The following TRAK1 variants were observed in gnomAD, a reference collection of about 807,000 sequenced individuals.
TRAK1 encodes trafficking kinesin protein 1.
Under a neutral mutation model 92.1 loss-of-function variants are expected in TRAK1, and 33 were observed. The observed-to-expected ratio is 0.36, with a 90% CI of 0.27 to 0.48. The LOEUF is 0.48. Among genes scored for constraint, TRAK1 ranks in the 20% least tolerant of loss-of-function variants. The pLI, the probability that TRAK1 is intolerant of heterozygous loss-of-function variation, is 0.99. For missense variants in TRAK1, 1,123 were observed against 1,257.9 expected, an observed-to-expected ratio of 0.89 and a Z score of 1.62; for synonymous variants, 521 against 517.3, an observed-to-expected ratio of 1.01 and a Z score of -0.10.
At chr3:42,128,134 G>A (rs772279985) in intron 2 of TRAK1, among the ~76,000 whole-genome samples, 7 of 152,198 alleles carry the variant, frequency 4.6e-5, no homozygotes, top group African/African-American at 1.2e-4. Flanking sequence ...AGCTGAGATC[G>A]TGCCATTGTA....
chr3:42,029,181 C>T (rs914409412), intron 1 of TRAK1, among the ~76,000 whole-genome samples: 1 of 152,200 alleles, frequency 6.6e-6, no homozygotes, highest in Non-Finnish European at 1.5e-5. Context: ...CCAATCACCT[C>T]CCACCAGGCC....
chr3:42,061,080 G>A (rs942162448), intron 1 of TRAK1, among the ~76,000 whole-genome samples: 1 of 152,118 alleles, frequency 6.6e-6, no homozygotes, highest in East Asian at 1.9e-4. Flanking sequence ...AGGCCTGGAA[G>A]CTGACTTAAA....
intron 2 of TRAK1, among the ~76,000 whole-genome samples, chr3:42,162,659 A>G (rs923259893): frequency 2.6e-5 from 4 of 152,184 alleles, no homozygotes; most frequent in Admixed American, 6.5e-5. Context: ...AAGTTTAGGT[A>G]TCTTAGGGGT....
chr3:42,128,983 T>A (rs1352809052), intron 2 of TRAK1, among the ~76,000 whole-genome samples: 1 of 152,106 alleles, frequency 6.6e-6, no homozygotes, highest in African/African-American at 2.4e-5. Flanking sequence ...ATCACAGCCT[T>A]TTTTTGTCGT....
At chr3:42,054,996 T>C (rs1244554405) in intron 1 of TRAK1, among the ~76,000 whole-genome samples, 1 of 143,724 alleles carries the variant, frequency 7.0e-6, no homozygotes, top group Non-Finnish European at 1.5e-5. Context: ...TCTGGCTTAC[T>C]GCAATCTCTG....
chr3:42,015,834 C>T (rs920304480), intron 1 of TRAK1, among the ~76,000 whole-genome samples: 3 of 151,930 alleles, frequency 2.0e-5, no homozygotes, highest in East Asian at 1.9e-4. Context: ...GTCAGGAGTT[C>T]GAGACCAGCC....
rs538531823 is a variant in TRAK1 at position 42,059,042 on chromosome 3, A to G, written c.-518-28062A>G. ...CGTGTATATATTTGTATGTATATGT[A>G]TACACACAAATATACATACGTATGA... On this transcript the variant is annotated intron_variant, in intron 1 of 16. Transcript: ENST00000487159. 5.9e-5 allele frequency among the ~76,000 whole-genome samples: 9 copies of G among 152,280 alleles called. No individual in the cohort carries two copies. In the East Asian group the frequency reaches 1.5e-3, roughly 26 times the overall value.
chr3:42,105,194 T>C (rs940474875), intron 1 of TRAK1, among the ~76,000 whole-genome samples: 1 of 151,854 alleles, frequency 6.6e-6, no homozygotes, highest in Non-Finnish European at 1.5e-5. Flanking sequence ...CCTCAGGTGA[T>C]CCACCCGCCT....
intron 2 of TRAK1, among the ~76,000 whole-genome samples, chr3:42,134,225 T>C (rs866903802): frequency 7.8e-5 from 2 of 25,738 alleles, no homozygotes; most frequent in African/African-American, 1.4e-4. Context: ...CCTCCTCTCC[T>C]CTCCCCTTCC....
chr3:42,118,856 T>C (rs914906709), intron 1 of TRAK1, among the ~76,000 whole-genome samples: 4 of 152,180 alleles, frequency 2.6e-5, no homozygotes, highest in East Asian at 1.9e-4. Flanking sequence ...TGCTGAGCAA[T>C]TGAGGGGACA....
intron 2 of TRAK1, among the ~76,000 whole-genome samples, chr3:42,162,914 CTTT>C (rs1471671202): frequency 6.6e-6 from 1 of 152,114 alleles, no homozygotes; most frequent in Non-Finnish European, 1.5e-5. Context: ...ATGTATTAAA[CTTT>C]TTTAAAAAAC....
At chr3:42,211,065 A>C in intron 14 of TRAK1, 1 of 985,444 alleles carries the variant, frequency 1.0e-6, no homozygotes, top group Non-Finnish European at 1.2e-6. Flanking sequence ...GACTGAGAAA[A>C]AATGAATTAA....
In TRAK1 at chr3:42,224,014, G is replaced by A. The variant is rs1367457485; in HGVS notation, c.*277G>A. 3.3e-6 allele frequency: 2 copies of A among 608,366 alleles called. No homozygotes were observed. Among genetic ancestry groups the A allele is most frequent in the South Asian group, 3.0e-5 (2 of 65,812 alleles). The allele number at this position is 608,366 out of a possible 1,614,324, so 37.7% of individuals were successfully genotyped here. A position where few individuals can be genotyped will look rare whatever the true frequency, so the allele number is the denominator to read the frequency against. On this transcript the variant is annotated 3_prime_UTR_variant, in exon 16 of 16. Transcript: ENST00000327628. Reference sequence around the variant, plus strand: ...CATCACTCTCACGAGGACGTCACCTGTGCTAACCTGGGGGAAGGTGGGGTC... The same window carrying A: ...CATCACTCTCACGAGGACGTCACCTATGCTAACCTGGGGGAAGGTGGGGTC...
intron 1 of TRAK1, among the ~76,000 whole-genome samples, chr3:42,051,939 C>T (rs540839769): frequency 1.3e-5 from 2 of 152,120 alleles, no homozygotes; most frequent in Non-Finnish European, 2.9e-5. Context: ...CTCTTTGAGC[C>T]CTATCTTCTC....
intron 2 of TRAK1, chr3:42,151,285 CG>C (rs1559838235): frequency 2.2e-6 from 1 of 452,106 alleles, no homozygotes; most frequent in Non-Finnish European, 4.4e-6. Context: ...GGAGGGTGAG[CG>C]GAGGCCTGCT....
chr3:42,037,228 G>A (rs1190109684), intron 1 of TRAK1, among the ~76,000 whole-genome samples: 1 of 152,152 alleles, frequency 6.6e-6, no homozygotes, highest in African/African-American at 2.4e-5. Context: ...TAGAGTTTTA[G>A]GATTCAAGTA....
At chr3:42,095,517 A>G (rs1485663180) in intron 1 of TRAK1, among the ~76,000 whole-genome samples, 1 of 152,222 alleles carries the variant, frequency 6.6e-6, no homozygotes, top group African/African-American at 2.4e-5. Context: ...CTCTACCATC[A>G]GTGCAGTTTA....
At chr3:42,187,952 T>C in intron 4 of TRAK1, 93 bp from the exon 5 acceptor site, 1 of 1,043,786 alleles carries the variant, frequency 9.6e-7, no homozygotes, top group Non-Finnish European at 1.5e-6. Context: ...TTCAGAAAAA[T>C]ATTGTCCCTA....
At chr3:42,020,625 C>CAATGCA (rs1701688703) in intron 1 of TRAK1, among the ~76,000 whole-genome samples, 3 of 152,118 alleles carry the variant, frequency 2.0e-5, no homozygotes, top group Non-Finnish European at 4.4e-5. Flanking sequence ...TATAAGTACT[C>CAATGCA]ATTTCTATCG....
Sources: gnomAD v4.1 joint callset for allele counts (sites outside exome capture counted in the v4.1 genomes callset) on GRCh38, gnomAD v4.1.1 for gene constraint, MANE v1.5 for transcripts, NCBI Gene and HGNC (gene_info 2026-07-23, HGNC 2026-07-21) for gene names.